The following SYCP2 variants were observed in gnomAD, a reference collection of about 807,000 sequenced individuals.
SYCP2 encodes synaptonemal complex lateral element protein.
SYCP2 carries 55 observed loss-of-function variants against 211.3 expected under a neutral mutation model. The ratio of observed to expected loss-of-function variants is 0.26; its 90% CI spans 0.21 to 0.33. The LOEUF (loss-of-function observed/expected upper bound fraction) is 0.33. Among genes scored for constraint, SYCP2 ranks in the 10% least tolerant of loss-of-function variants. SYCP2 has a pLI of 1.00. For synonymous variants in SYCP2, 570 were observed against 555.2 expected, an observed-to-expected ratio of 1.03 and a Z score of -0.37; for missense variants, 1,731 against 1,752.0, an observed-to-expected ratio of 0.99 and a Z score of 0.21.
intron 16 of SYCP2, among the ~76,000 whole-genome samples, chr20:59,901,064 G>A (rs879293702): frequency 6.6e-6 from 1 of 151,820 alleles, no homozygotes; most frequent in Non-Finnish European, 1.5e-5. Flanking sequence ...CTAATATTAT[G>A]CAACATAAAT....
intron 32 of SYCP2, 87 bp downstream of exon 32, chr20:59,877,921 G>T: frequency 9.6e-7 from 1 of 1,042,506 alleles, no homozygotes; most frequent in South Asian, 1.4e-5. Context: ...TGATAACAAG[G>T]ATAAAATTAT....
chr20:59,896,616 A>C (rs2060013111), intron 18 of SYCP2, 88 bp from the exon 19 acceptor site: 2 of 665,884 alleles, frequency 3.0e-6, no homozygotes, highest in Non-Finnish European at 5.3e-6. Flanking sequence ...TTTTGCCTTG[A>C]TACATGCCAA....
intron 19 of SYCP2, 107 bp downstream of exon 19, chr20:59,896,322 A>G (rs2060006562): frequency 1.6e-6 from 1 of 608,370 alleles, no homozygotes; most frequent in African/African-American, 1.9e-5. Context: ...ATCAATTTTT[A>G]TACACCAAAC....
rs569283460 is a variant in SYCP2 at position 59,877,661 on chromosome 20, G to A, written c.2980-106C>T. The stretch of plus-strand genomic sequence containing the variant: ...GTGACAAGTTTTACATAAAATATTT[G>A]TAAGAATGATTCTTGATTAACATAC... On this transcript the variant is annotated intron_variant, in intron 32 of 44. Transcript: ENST00000357552. The A allele has an allele frequency of 1.8e-4, 165 of 896,530 alleles. No homozygotes were observed. The African/African-American group carries it at 2.4e-3, about 13-fold the overall frequency. The allele number at this position is 896,530 out of a possible 1,614,324, so 55.5% of individuals were successfully genotyped here. A position where few individuals can be genotyped will look rare whatever the true frequency, so the allele number is the denominator to read the frequency against.
Position 59,880,291 on chromosome 20 carries a change from A to G in SYCP2, c.2941+12T>C, listed in dbSNP as rs562632050. On this transcript the variant is annotated intron_variant, in intron 31 of 44. Transcript: ENST00000357552. ...ATCATTTGCAACATTTATCCAAAAG[A>G]TAATTTCTTACTTGATTTTCCACTT... 5.8e-6 allele frequency: 9 copies of G among 1,553,764 alleles called. No individual in the cohort carries two copies. The African/African-American group carries it at 9.5e-5, about 16-fold the overall frequency.
In SYCP2 at chr20:59,915,164, C is replaced by G. The variant is rs2060413202; in HGVS notation, c.634+1G>C. 6.4e-7 allele frequency: 1 copy of G among 1,565,268 alleles called. No homozygotes were observed. The highest frequency in any genetic ancestry group is 8.8e-7 in the Non-Finnish European group (1 of 1,137,716). On this transcript the variant is annotated splice_donor_variant, in intron 10 of 44. Transcript: ENST00000357552. LOFTEE classifies it high-confidence loss of function. ...TTTAGATTTGGAAAAGACATACTTA[C>G]CTCCAGCATCTAAAATCCTTTCTCC...
intron 15 of SYCP2, among the ~76,000 whole-genome samples, chr20:59,906,052 T>C (rs181199930): frequency 6.6e-6 from 1 of 152,278 alleles, no homozygotes; most frequent in Non-Finnish European, 1.5e-5. Flanking sequence ...CAATGAAAAC[T>C]ATGAAACGCT....
intron 36 of SYCP2, among the ~76,000 whole-genome samples, chr20:59,869,180 A>AT (rs2145601556): frequency 6.6e-6 from 1 of 151,366 alleles, no homozygotes; most frequent in East Asian, 1.9e-4. Context: ...CTTTATTAGG[A>AT]TTTCCATTTC....
Position 59,920,476 on chromosome 20 carries a change from T to C in SYCP2, c.180A>G (p.Lys60=). 1.3e-6 allele frequency: 2 copies of C among 1,599,724 alleles called. No homozygotes were observed. Among genetic ancestry groups the C allele is most frequent in the Non-Finnish European group, 1.7e-6 (2 of 1,170,384 alleles). ...TGGCTGAAACATTGTGGATATCCTC[T>C]TTATTAAGTTCCTGAAATAAAAGGT... ...VDNLICRELN[K]EDIHNVSAIL... The change falls in exon 5 of 45, where the codon AAA becomes AAG. Residue 60 remains lysine, a synonymous_variant. Transcript: ENST00000357552.
chr20:59,886,702 C>T lies in SYCP2; in HGVS notation c.2492+5G>A. The T allele has an allele frequency of 6.5e-7, 1 of 1,541,616 alleles. No homozygotes were observed. On this transcript the variant is annotated splice_donor_5th_base_variant and intron_variant, in intron 25 of 44. Transcript: ENST00000357552. ...AATATTCATGTCTGAAATTTAAGAA[C>T]ATACCTGTTAATCAAAGACTCCTTT...
At chr20:59,864,664 TAA>T (rs2059294790) in intron 44 of SYCP2, among the ~76,000 whole-genome samples, 1 of 151,962 alleles carries the variant, frequency 6.6e-6, no homozygotes, top group African/African-American at 2.4e-5. Context: ...AGAGTAAAAT[TAA>T]AAGTCTAGAA....
At chr20:59,922,508 G>T in intron 2 of SYCP2, 49 bp from the exon 3 acceptor site, 2 of 956,472 alleles carry the variant, frequency 2.1e-6, no homozygotes, top group Non-Finnish European at 3.1e-6. Flanking sequence ...TGTTTCATGT[G>T]TTTATCAGTT....
rs775608418 is a variant in SYCP2, at chr20:59,893,187, T to C, written c.1748A>G (p.Asp583Gly). 5 of 1,600,108 alleles carry C rather than the reference T, an allele frequency of 3.1e-6. No individual in the cohort carries two copies. The Admixed American group carries it at 5.1e-5, about 16-fold the overall frequency. The change falls in exon 22 of 45, where the codon GAT becomes GGT. Residue 583 changes from aspartate to glycine, a missense_variant. Physicochemically the swap from Asp to Gly is moderately conservative, Grantham distance 94 (BLOSUM62 -1). Transcript: ENST00000357552. ...CGCTGCCTGTGAATCTGGTATAACA[T>C]CCTGGAGTTCACCTAAATAAAACAA... Reference protein sequence around the residue: ...FPNQNFSELQDVIPDSQAAEK... With the variant: ...FPNQNFSELQGVIPDSQAAEK...
At position 59,882,125 on chromosome 20, in the gene SYCP2, G is replaced by A. The variant is rs1336131234; in HGVS notation, c.2570C>T (p.Thr857Ile). ...GCATTCAGAAGTAACATTAACAAAG[G>A]TAGTCTTCAGTTTTCTGTAGCTTTT... ...QKKSYRKLKT[T>I]FVNVTSECPV... Residue 857 changes from threonine (T) to isoleucine (I), a missense_variant, in exon 27 of 45, where the codon ACC (threonine) becomes ATC (isoleucine). By Grantham distance (89) the Thr-to-Ile change is moderately conservative. Around this residue, in one of 3 missense-constraint regions of SYCP2, gnomAD observed 1,387 missense variants for 1,351.3 expected, o/e 1.03. Transcript: ENST00000357552. 2 of 1,612,858 alleles carry A rather than the reference G, an allele frequency of 1.2e-6. No homozygotes were observed. Among genetic ancestry groups the A allele is most frequent in the South Asian group, 1.1e-5 (1 of 90,900 alleles).
intron 30 of SYCP2, 137 bp downstream of exon 30, chr20:59,880,829 A>G (rs549612784): frequency 2.0e-6 from 1 of 496,588 alleles, no homozygotes; most frequent in African/African-American, 2.0e-5. Flanking sequence ...CCATAAGAAA[A>G]TTCATAATAG....
At chr20:59,915,606 G>A (rs2060424279) in intron 8 of SYCP2, 56 bp from the exon 9 acceptor site, 1 of 1,101,926 alleles carries the variant, frequency 9.1e-7, no homozygotes, top group South Asian at 1.3e-5. Context: ...ACACTATTAA[G>A]AGAAATATTC....
chr20:59,898,332 A>G (rs1453767297), intron 18 of SYCP2, among the ~76,000 whole-genome samples: 2 of 152,216 alleles, frequency 1.3e-5, no homozygotes, highest in Non-Finnish European at 2.9e-5. Context: ...ATGCCCATCA[A>G]TGATAGACTG....
At chr20:59,875,563 T>G in intron 33 of SYCP2, 94 bp from the exon 34 acceptor site, 2 of 935,282 alleles carry the variant, frequency 2.1e-6, no homozygotes, top group Non-Finnish European at 3.1e-6. Context: ...TATTAAATGT[T>G]GTATATTACC....
chr20:59,884,797 T>G (rs911931153), intron 26 of SYCP2, among the ~76,000 whole-genome samples: 1 of 151,718 alleles, frequency 6.6e-6, no homozygotes, highest in African/African-American at 2.4e-5. Context: ...AATACAAAGA[T>G]GAGCACAAAA....
Sources: allele counts gnomAD v4.1 joint callset (sites outside exome capture counted in the v4.1 genomes callset), GRCh38; gene constraint gnomAD v4.1.1; regional missense constraint gnomAD v4.1.1; transcripts MANE v1.5; gene names NCBI Gene and HGNC (gene_info 2026-07-23, HGNC 2026-07-21).